Variants in GPC6 observed in about 807,000 individuals in gnomAD.
The protein encoded by GPC6 is glypican 6, also known as glypican-6.
Under a neutral mutation model 55.2 loss-of-function variants are expected in GPC6, and 14 were observed. The ratio of observed to expected loss-of-function variants is 0.25; its 90% CI spans 0.17 to 0.40. GPC6 has a LOEUF of 0.40. GPC6 is among the 10% of genes least tolerant of loss of function. The pLI is 1.00. For synonymous variants in GPC6, 278 were observed against 259.6 expected (o/e 1.07, Z -0.68); for missense variants, 641 against 708.5 (o/e 0.90, Z 1.08).
intron 1 of GPC6, among the ~76,000 whole-genome samples, chr13:93,474,278 GGT>G (rs1879227156): frequency 6.6e-6 from 1 of 152,028 alleles, no homozygotes; most frequent in Non-Finnish European, 1.5e-5. Flanking sequence ...TTGAGTCCTG[GGT>G]GGTAGACTAT....
At chr13:93,673,611 T>A (rs982884668) in intron 2 of GPC6, among the ~76,000 whole-genome samples, 1 of 152,134 alleles carries the variant, frequency 6.6e-6, no homozygotes, top group African/African-American at 2.4e-5. Flanking sequence ...GTCCTTTGCA[T>A]CTTACCATTA....
intron 4 of GPC6, among the ~76,000 whole-genome samples, chr13:94,269,628 T>G (rs1891929773): frequency 6.6e-6 from 1 of 152,138 alleles, no homozygotes. Flanking sequence ...AGCTTTCATT[T>G]GTCTCGACCA....
At chr13:93,510,077 A>G (rs1880890525) in intron 1 of GPC6, among the ~76,000 whole-genome samples, 1 of 152,128 alleles carries the variant, frequency 6.6e-6, no homozygotes, top group South Asian at 2.1e-4. Context: ...ATTAAACATT[A>G]TGTCTGTCTC....
At chr13:94,081,133 T>C (rs1021384356) in intron 4 of GPC6, among the ~76,000 whole-genome samples, 3 of 152,164 alleles carry the variant, frequency 2.0e-5, no homozygotes, top group Admixed American at 6.5e-5. Flanking sequence ...TATCACCAGG[T>C]ATTGCTACTA....
At chr13:93,538,013 G>A (rs9589763) in intron 1 of GPC6, among the ~76,000 whole-genome samples, 359 of 152,170 alleles carry the variant, frequency 2.4e-3, no homozygotes, top group African/African-American at 8.3e-3. Flanking sequence ...TGAAGGAAGA[G>A]CAAATCATGG....
intron 4 of GPC6, among the ~76,000 whole-genome samples, chr13:94,046,207 T>A (rs1350196979): frequency 6.6e-6 from 1 of 152,064 alleles, no homozygotes; most frequent in Non-Finnish European, 1.5e-5. Flanking sequence ...GGTTCTTGAT[T>A]TTTTTAGAAT....
At chr13:93,557,573 G>A (rs1049466474) in intron 2 of GPC6, among the ~76,000 whole-genome samples, 6 of 152,112 alleles carry the variant, frequency 3.9e-5, no homozygotes, top group South Asian at 2.1e-4. Flanking sequence ...GACCAGCCAG[G>A]CTTGTTCTCA....
chr13:93,719,230 C>G (rs1482336971), intron 2 of GPC6, among the ~76,000 whole-genome samples: 4 of 152,012 alleles, frequency 2.6e-5, no homozygotes, highest in Non-Finnish European at 5.9e-5. Flanking sequence ...GAATGTTTTT[C>G]CATTAGTTTG....
chr13:93,920,532 C>T (rs960557491), intron 3 of GPC6, among the ~76,000 whole-genome samples: 1 of 152,204 alleles, frequency 6.6e-6, no homozygotes, highest in Admixed American at 6.5e-5. Context: ...TTCCCCTATA[C>T]TGCTCTTCTT....
At chr13:93,683,192 G>C (rs1410841199) in intron 2 of GPC6, among the ~76,000 whole-genome samples, 1 of 151,884 alleles carries the variant, frequency 6.6e-6, no homozygotes, top group East Asian at 1.9e-4. Context: ...AAATAAAAAA[G>C]ATATTTAGCT....
intron 1 of GPC6, among the ~76,000 whole-genome samples, chr13:93,366,229 A>G (rs1357544094): frequency 2.0e-5 from 3 of 152,136 alleles, no homozygotes; most frequent in Non-Finnish European, 4.4e-5. Flanking sequence ...GAAAAACCCC[A>G]ATAAACTTTA....
intron 6 of GPC6, among the ~76,000 whole-genome samples, chr13:94,324,311 T>TAAAAAAA (rs76342753): frequency 9.3e-6 from 1 of 107,254 alleles, no homozygotes; most frequent in African/African-American, 3.5e-5. Flanking sequence ...ATGAAAGCCT[T>TAAAAAAA]AAAAAAAAAA....
chr13:93,756,022 T>C (rs1207233049), intron 2 of GPC6, among the ~76,000 whole-genome samples: 3 of 152,242 alleles, frequency 2.0e-5, no homozygotes, highest in Middle Eastern at 3.4e-3. Context: ...TGGAGAAAAA[T>C]AGCTTACATT....
intron 1 of GPC6, among the ~76,000 whole-genome samples, chr13:93,433,048 AT>A (rs1877428726): frequency 6.6e-6 from 1 of 152,156 alleles, no homozygotes; most frequent in Non-Finnish European, 1.5e-5. Flanking sequence ...ACTTAGAAAA[AT>A]GTTTGTGTTT....
At chr13:93,637,426 T>A (rs1407063540) in intron 2 of GPC6, among the ~76,000 whole-genome samples, 1 of 151,826 alleles carries the variant, frequency 6.6e-6, no homozygotes, top group East Asian at 1.9e-4. Flanking sequence ...CTTGCCACAA[T>A]GTTTTGCCAG....
At chr13:93,554,046 G>A (rs1875318756) in intron 2 of GPC6, among the ~76,000 whole-genome samples, 1 of 151,656 alleles carries the variant, frequency 6.6e-6, no homozygotes, top group Admixed American at 6.6e-5. Context: ...TACTCAGGAG[G>A]CTGAGGCACA....
chr13:93,676,172 T>A (rs9524167), intron 2 of GPC6, among the ~76,000 whole-genome samples: 2 of 72,348 alleles, frequency 2.8e-5, no homozygotes, highest in East Asian at 6.8e-4. Context: ...TATATATACA[T>A]ACACACACAC....
chr13:93,249,043 A>T (rs556106330), intron 1 of GPC6, among the ~76,000 whole-genome samples: 35 of 152,316 alleles, frequency 2.3e-4, no homozygotes, highest in Admixed American at 1.7e-3. Flanking sequence ...CAGACATTGT[A>T]CCAACACCAT....
intron 3 of GPC6, among the ~76,000 whole-genome samples, chr13:93,849,512 C>T (rs575541135): frequency 6.6e-6 from 1 of 152,228 alleles, no homozygotes; most frequent in Non-Finnish European, 1.5e-5. Flanking sequence ...CTAGCTCTCA[C>T]CTAGATGCAG....
Sources: gnomAD v4.1 joint callset for allele counts (sites outside exome capture counted in the v4.1 genomes callset) on GRCh38, gnomAD v4.1.1 for gene constraint, MANE v1.5 for transcripts, NCBI Gene and HGNC (gene_info 2026-07-23, HGNC 2026-07-21) for gene names.